MYO5B: variants seen among roughly 807,000 people sequenced by gnomAD.
MYO5B encodes the protein unconventional myosin-Vb.
A neutral mutation model predicts 229.3 loss-of-function variants in MYO5B; 143 were observed. That is an observed-to-expected ratio of 0.62 (90% confidence interval 0.54 to 0.72). The LOEUF (loss-of-function observed/expected upper bound fraction) is 0.72, where lower values mean the gene tolerates loss of function less well. MYO5B is among the 30% of genes least tolerant of loss of function. The pLI, the probability that MYO5B is intolerant of heterozygous loss-of-function variation, is 0.00. For missense variants in MYO5B, 2,321 were observed against 2,331.0 expected (o/e 1.00, Z 0.09); for synonymous variants, 918 against 885.2 (o/e 1.04, Z -0.66).
chr18:49,971,902 C>CA (rs1350445716), intron 10 of MYO5B, among the ~76,000 whole-genome samples: 7 of 151,902 alleles, frequency 4.6e-5, no homozygotes, highest in Non-Finnish European at 4.4e-5. Context: ...AACTTTATAA[C>CA]AAAAAAAGTG....
intron 1 of MYO5B, among the ~76,000 whole-genome samples, chr18:50,193,608 C>T (rs916939356): frequency 1.3e-5 from 2 of 152,228 alleles, no homozygotes; most frequent in African/African-American, 4.8e-5. Context: ...GCGGGTGTCC[C>T]GGGAATCGCA....
chr18:49,844,438 G>A (rs2024100623), intron 33 of MYO5B, among the ~76,000 whole-genome samples: 1 of 152,180 alleles, frequency 6.6e-6, no homozygotes, highest in African/African-American at 2.4e-5. Context: ...TGTAGGCTCA[G>A]AATGGCAATG....
chr18:50,106,805 G>A (rs540411072), intron 1 of MYO5B, among the ~76,000 whole-genome samples: 14 of 152,184 alleles, frequency 9.2e-5, no homozygotes, highest in African/African-American at 1.9e-4. Context: ...CTGCTGTATC[G>A]TCAGTGTCTA....
chr18:50,100,607 G>T (rs2144501591), intron 1 of MYO5B, among the ~76,000 whole-genome samples: 1 of 152,226 alleles, frequency 6.6e-6, no homozygotes, highest in South Asian at 2.1e-4. Context: ...ACTGGTCAGG[G>T]TCCAAGACAT....
chr18:49,944,494 G>T (rs567642114), intron 14 of MYO5B, among the ~76,000 whole-genome samples: 1 of 152,282 alleles, frequency 6.6e-6, no homozygotes, highest in South Asian at 2.1e-4. Flanking sequence ...AGTGAGCTCA[G>T]AAGTAATGAG....
chr18:49,873,877 G>A (rs528289262), intron 26 of MYO5B, among the ~76,000 whole-genome samples: 13 of 152,268 alleles, frequency 8.5e-5, no homozygotes, highest in African/African-American at 2.4e-4. Context: ...CCCTCACAGC[G>A]CCTCAGTCAC....
At chr18:49,879,940 T>C (rs1156559844) in intron 23 of MYO5B, among the ~76,000 whole-genome samples, 1 of 152,236 alleles carries the variant, frequency 6.6e-6, no homozygotes, top group African/African-American at 2.4e-5. Context: ...AACCCAGCAA[T>C]GACGACAGCT....
chr18:50,100,083 G>A (rs2031627404), intron 1 of MYO5B, among the ~76,000 whole-genome samples: 1 of 152,168 alleles, frequency 6.6e-6, no homozygotes, highest in South Asian at 2.1e-4. Context: ...GCAACAACCT[G>A]GCTAGAAACC....
At chr18:50,053,892 A>G (rs17801939) in intron 2 of MYO5B, among the ~76,000 whole-genome samples, 24,179 of 152,132 alleles carry the variant, frequency 0.16, 1,969 homozygotes, top group East Asian at 0.23. Context: ...TCTCCAACCC[A>G]AACCTTTTCT....
intron 1 of MYO5B, among the ~76,000 whole-genome samples, chr18:50,179,957 A>G (rs928285257): frequency 3.9e-5 from 6 of 152,100 alleles, no homozygotes; most frequent in Non-Finnish European, 7.4e-5. Context: ...TCTTCTCAAC[A>G]CAAAGTGCAG....
intron 1 of MYO5B, chr18:50,098,650 A>G (rs2031599636): frequency 6.6e-6 from 1 of 152,308 alleles, no homozygotes; most frequent in Admixed American, 6.5e-5. Context: ...GCAGAAGAAA[A>G]AGAAAGTCTT....
intron 1 of MYO5B, among the ~76,000 whole-genome samples, chr18:50,192,834 G>C (rs192160987): frequency 6.6e-6 from 1 of 152,176 alleles, no homozygotes; most frequent in East Asian, 1.9e-4. Context: ...CTAAGTGGCT[G>C]GTATAACTTA....
chr18:50,079,649 C>T (rs1189804899), intron 1 of MYO5B, among the ~76,000 whole-genome samples: 1 of 152,200 alleles, frequency 6.6e-6, no homozygotes, highest in Non-Finnish European at 1.5e-5. Flanking sequence ...TTCTGCACAG[C>T]CACCTGCCAC....
chr18:50,182,243 G>T (rs1010229075), intron 1 of MYO5B, among the ~76,000 whole-genome samples: 1 of 152,164 alleles, frequency 6.6e-6, no homozygotes, highest in Non-Finnish European at 1.5e-5. Context: ...TTTCTTCCTG[G>T]ATTCACTGTT....
chr18:50,015,254 A>T (rs1200127806), intron 4 of MYO5B, among the ~76,000 whole-genome samples: 2 of 152,174 alleles, frequency 1.3e-5, no homozygotes, highest in Admixed American at 6.5e-5. Context: ...AACCCCTCTG[A>T]CCTAGTGAAC....
At position 50,108,795 on chromosome 18, in the gene MYO5B, G is replaced by A. The variant is rs181345915; in HGVS notation, c.28-53417C>T. Among the ~76,000 whole-genome samples, 249 of 152,330 alleles carry A rather than the reference G, an allele frequency of 1.6e-3. 2 individuals carry two copies. Among genetic ancestry groups the A allele is most frequent in the African/African-American group, 5.7e-3 (236 of 41,570 alleles). On this transcript the variant is annotated intron_variant, in intron 1 of 39. Coordinates refer to ENST00000285039, the MANE Select transcript of MYO5B (RefSeq NM_001080467.3). ...TACTATTGAGGATACCAGGTATGTA[G>A]ATAAAAACTGATTATCTTTCCCCAG...
intron 2 of MYO5B, among the ~76,000 whole-genome samples, chr18:50,043,665 AAAATATATTTATAAATATATAT>A (rs2030136126): frequency 7.2e-6 from 1 of 139,764 alleles, no homozygotes; most frequent in South Asian, 2.2e-4. Flanking sequence ...GTAAATATAT[AAAATATATTTATAAATATATAT>A]AAATATATAT....
chr18:49,865,171 G>C (rs551787571), intron 27 of MYO5B, among the ~76,000 whole-genome samples: 37 of 152,290 alleles, frequency 2.4e-4, no homozygotes, highest in Non-Finnish European at 4.3e-4. Flanking sequence ...CAGAGCCATA[G>C]CATGATGGAA....
chr18:50,023,415 G>C (rs1046405622), intron 4 of MYO5B, among the ~76,000 whole-genome samples: 1 of 152,082 alleles, frequency 6.6e-6, no homozygotes. Context: ...GGACTATTTT[G>C]GTTATTATCA....
Sources: gnomAD v4.1 joint callset for allele counts (sites outside exome capture counted in the v4.1 genomes callset) on GRCh38, gnomAD v4.1.1 for gene constraint, MANE v1.5 for transcripts, NCBI Gene and HGNC (gene_info 2026-07-23, HGNC 2026-07-21) for gene names.